The following ZNF81 variants were observed in gnomAD, a reference collection of about 807,000 sequenced individuals.
ZNF81 encodes the protein zinc finger protein 81 (HFZ20).
In ZNF81, 5 loss-of-function variants were observed where a neutral mutation model predicts 32.3. The observed-to-expected ratio is 0.15, with a 90% confidence interval of 0.08 to 0.33. The LOEUF is 0.33. ZNF81 is among the 10% of genes least tolerant of loss of function. The probability of loss-of-function intolerance (pLI) is 1.00; values close to 1 mark genes in which losing one functional copy is unlikely to be tolerated. For missense variants in ZNF81, 379 were observed against 479.8 expected (o/e 0.79, Z 1.96); for synonymous variants, 163 against 166.8 (o/e 0.98, Z 0.17).
intron 2 of ZNF81, among the ~76,000 whole-genome samples, chrX:47,850,703 A>G (rs1391681901): frequency 9.3e-6 from 1 of 107,256 alleles, no homozygotes; most frequent in Non-Finnish European, 1.9e-5. Flanking sequence ...TTTGCTTCAA[A>G]TGATTAGTTA....
intron 4 of ZNF81, among the ~76,000 whole-genome samples, chrX:47,905,777 C>A (rs1191784496): frequency 1.2e-4 from 14 of 112,467 alleles, no homozygotes; most frequent in Middle Eastern, 8.4e-3. Flanking sequence ...CGTACTTTAT[C>A]TCCTATGAGG....
chrX:47,855,075 C>T (rs1300860259), intron 2 of ZNF81, among the ~76,000 whole-genome samples: 5 of 109,535 alleles, frequency 4.6e-5, no homozygotes, highest in African/African-American at 1.7e-4. Context: ...GCATGGGCGA[C>T]ACAGTGAGAC....
intron 2 of ZNF81, among the ~76,000 whole-genome samples, chrX:47,862,216 G>C (rs1205113388): frequency 4.5e-5 from 5 of 111,184 alleles, no homozygotes; most frequent in Non-Finnish European, 9.4e-5. Context: ...ACAAGTTAAT[G>C]TCTGACTTAC....
intron 4 of ZNF81, among the ~76,000 whole-genome samples, chrX:47,898,614 C>A (rs2058687944): frequency 9.0e-6 from 1 of 111,721 alleles, no homozygotes; most frequent in Admixed American, 9.5e-5. Context: ...AAAAAGCCTA[C>A]TGGGATTTTG....
At chrX:47,902,446 C>T (rs936151962) in intron 4 of ZNF81, among the ~76,000 whole-genome samples, 2 of 111,428 alleles carry the variant, frequency 1.8e-5, no homozygotes, top group East Asian at 5.6e-4. Context: ...CATGATAAAC[C>T]AATATGATGT....
At position 47,901,674 on chromosome X, in the gene ZNF81, T is replaced by C. The variant is rs987553960; in HGVS notation, c.277+5734T>C. Among the ~76,000 whole-genome samples the C allele has an allele frequency of 2.7e-5, 3 of 110,916 alleles. No individual in the cohort carries two copies. The Admixed American group carries it at 2.9e-4, about 11-fold the overall frequency. On this transcript the variant is annotated intron_variant, in intron 4 of 4. Coordinates refer to ENST00000338637, the MANE Select transcript of ZNF81 (RefSeq NM_007137.5). ...CTTACTTCATCATGGTGTATTATCT[T>C]TTTATGTATTTCTTGATTTGATTCG...
At chrX:47,876,596 G>A (rs781802417) in intron 2 of ZNF81, among the ~76,000 whole-genome samples, 34 of 112,445 alleles carry the variant, frequency 3.0e-4, no homozygotes, top group Non-Finnish European at 5.6e-4. Context: ...GAGCACAAGA[G>A]ACCCATGGAA....
chrX:47,855,984 G>C, intron 2 of ZNF81, among the ~76,000 whole-genome samples: 1 of 103,492 alleles, frequency 9.7e-6, no homozygotes, highest in Non-Finnish European at 2.0e-5. Flanking sequence ...AGGAGGTGGA[G>C]GTTGCAGTGA....
Position 47,916,200 on chromosome X carries a change from G to T in ZNF81, c.1554G>T (p.Lys518Asn). ...TNRSNLNTHQ[K>N]SHTGEKSYIC... ...GGTCAAATCTCAATACTCACCAGAA[G>T]TCTCATACTGGAGAAAAGTCTTATA... Residue 518 changes from lysine (K) to asparagine (N), a missense_variant, in exon 5 of 5, where the codon AAG becomes AAT. Physicochemically the swap from Lys to Asn is moderately conservative, Grantham distance 94. Transcript: ENST00000338637. 1.7e-6 allele frequency: 2 copies of T among 1,210,823 alleles called. No homozygotes were observed. The highest frequency in any genetic ancestry group is 2.2e-6 in the Non-Finnish European group (2 of 895,103).
chrX:47,850,511 G>A (rs978189117), intron 2 of ZNF81, among the ~76,000 whole-genome samples: 1 of 107,182 alleles, frequency 9.3e-6, no homozygotes, highest in Non-Finnish European at 1.9e-5. Context: ...AGTATAGAGG[G>A]GTACATTTGT....
intron 2 of ZNF81, among the ~76,000 whole-genome samples, chrX:47,849,407 C>T (rs2058484303): frequency 8.9e-6 from 1 of 111,800 alleles, no homozygotes; most frequent in Admixed American, 9.5e-5. Flanking sequence ...GTGGCTCACA[C>T]CTGTAATCCC....
At chrX:47,864,066 T>G (rs1556882916) in intron 2 of ZNF81, among the ~76,000 whole-genome samples, 2 of 111,813 alleles carry the variant, frequency 1.8e-5, no homozygotes, top group Non-Finnish European at 3.8e-5. Flanking sequence ...GTTCTGATCA[T>G]TACCCAGGGA....
At chrX:47,865,620 C>G (rs1168993722) in intron 2 of ZNF81, among the ~76,000 whole-genome samples, 1 of 111,281 alleles carries the variant, frequency 9.0e-6, no homozygotes, top group African/African-American at 3.3e-5. Context: ...TTGGGTTGGG[C>G]CCCACTCAAA....
At chrX:47,895,646 GT>G (rs2058677151) in intron 3 of ZNF81, among the ~76,000 whole-genome samples, 198 bp from the exon 4 acceptor site, 1 of 111,924 alleles carries the variant, frequency 8.9e-6, no homozygotes, top group Non-Finnish European at 1.9e-5. Flanking sequence ...GAGCCTCGTT[GT>G]GTTTCCCTTC....
In ZNF81 at chrX:47,917,525, T is replaced by C; in HGVS notation, c.*893T>C. 3.8e-6 allele frequency: 1 copy of C among 265,405 alleles called. No individual in the cohort carries two copies. Among genetic ancestry groups the C allele is most frequent in the African/African-American group, 2.7e-5 (1 of 36,387 alleles). 21.9% of individuals were successfully genotyped at this position (265,405 alleles called of 1,213,427 possible). A position where few individuals can be genotyped will look rare whatever the true frequency, so the allele number is the denominator to read the frequency against. On this transcript the variant is annotated 3_prime_UTR_variant, in exon 5 of 5. Coordinates refer to ENST00000338637, the MANE Select transcript of ZNF81 (RefSeq NM_007137.5). ...AAAGCCTGCCTTGAAGCTTACCCTC[T>C]CTTGCTGCTCTTTGCAAACCTGAAG...
intron 2 of ZNF81, among the ~76,000 whole-genome samples, chrX:47,863,093 C>T (rs782289215): frequency 9.0e-6 from 1 of 111,514 alleles, no homozygotes; most frequent in South Asian, 3.8e-4. Context: ...GACAGCAAGC[C>T]TTATCTAAGC....
At position 47,924,929 on chromosome X, in the gene ZNF81, T is replaced by C. The variant is rs2146436432; in HGVS notation, c.*8297T>C. Among the ~76,000 whole-genome samples, 1 of 111,880 alleles carries C rather than the reference T, an allele frequency of 8.9e-6. No homozygotes were observed. The highest frequency in any genetic ancestry group is 3.2e-5 in the African/African-American group (1 of 30,836). ...TATTGAAAACACAGTACAACCTATATAACATCCATCTAGATTTAACAATTT... is the reference window on the plus strand; with the variant it reads ...TATTGAAAACACAGTACAACCTATACAACATCCATCTAGATTTAACAATTT... On this transcript the variant is annotated 3_prime_UTR_variant, in exon 5 of 5. Transcript: ENST00000338637.
intron 2 of ZNF81, among the ~76,000 whole-genome samples, chrX:47,859,149 T>C (rs982204258): frequency 3.2e-4 from 36 of 111,016 alleles, no homozygotes; most frequent in African/African-American, 1.1e-3. Context: ...CTTTTTTTGG[T>C]TCTTTAAGTG....
chrX:47,867,080 C>A (rs962344677), intron 2 of ZNF81, among the ~76,000 whole-genome samples: 3 of 110,962 alleles, frequency 2.7e-5, no homozygotes, highest in Non-Finnish European at 5.7e-5. Context: ...GGGAGGGGAA[C>A]AACACATACT....
Sources: allele counts gnomAD v4.1 joint callset (sites outside exome capture counted in the v4.1 genomes callset), GRCh38; gene constraint gnomAD v4.1.1; transcripts MANE v1.5; gene names NCBI Gene and HGNC (gene_info 2026-07-23, HGNC 2026-07-21).